FLII: variants seen among roughly 807,000 people sequenced by gnomAD.
FLII encodes FLII actin remodeling protein, also known as protein flightless-1 homolog.
FLII carries 101 observed loss-of-function variants against 156.2 expected under a neutral mutation model. The observed-to-expected ratio is 0.65, with a 90% confidence interval of 0.55 to 0.76. FLII has a LOEUF of 0.76. Ranked by LOEUF, FLII falls within the 30% of genes least tolerant of loss-of-function variation. The pLI is 0.00. For synonymous variants in FLII, 767 were observed against 685.8 expected (o/e 1.12, Z -1.85); for missense variants, 1,675 against 1,682.8 (o/e 1.00, Z 0.08).
chr17:18,248,572 G>A lies in FLII; in HGVS notation c.2168C>T (p.Pro723Leu), dbSNP rs148943845. ...CACCTTGTACAGCTTGGGCTGCGGC[G>A]GCCAGAAGTCTTCAGGCACGTGCTT... ...IKKHVPEDFW[P>L]PQPKLYKVGL... is the part of the protein sequence containing the mutation. Residue 723 changes from proline (P) to leucine (L), a missense_variant, in exon 18 of 30, where the codon CCG (proline) becomes CTG (leucine). Physicochemically the swap from Pro to Leu is moderately conservative, Grantham distance 98. This residue lies in a region of FLII where 1,332 missense variants were observed against 1,269.3 expected (regional missense o/e 1.05). Coordinates refer to ENST00000327031, the MANE Select transcript of FLII (RefSeq NM_002018.4). 335 of 1,611,308 alleles carry A rather than the reference G, an allele frequency of 2.1e-4. 1 individual carries two copies. Among genetic ancestry groups the A allele is most frequent in the African/African-American group, 1.6e-3 (119 of 74,862 alleles).
chr17:18,256,439 C>T, intron 3 of FLII, 87 bp downstream of exon 3: 1 of 1,085,758 alleles, frequency 9.2e-7, no homozygotes, highest in East Asian at 2.6e-5. Context: ...AAATGCTGGC[C>T]CAGCTTGGTG....
In FLII at chr17:18,247,020, G is replaced by C. The variant is rs966325688; in HGVS notation, c.2709C>G (p.Asp903Glu). ...GCACGAAACCCTCCATGCCGTCTAG[G>C]TCTTCGTTCCACTCCTCCATCAGCT... is the stretch of plus-strand genomic sequence containing the variant. ...AEQLMEEWNE[D>E]LDGMEGFVLE... The change falls in exon 22 of 30, where the codon GAC becomes GAG. Residue 903 changes from aspartate to glutamate, a missense_variant. Around this residue, in one of 2 missense-constraint regions of FLII, gnomAD observed 1,332 missense variants for 1,269.3 expected, o/e 1.05. Coordinates refer to ENST00000327031, the MANE Select transcript of FLII (RefSeq NM_002018.4). 1 of 1,613,710 alleles carries C rather than the reference G, an allele frequency of 6.2e-7. No individual in the cohort carries two copies. The highest frequency in any genetic ancestry group is 8.5e-7 in the Non-Finnish European group (1 of 1,180,034).
chr17:18,251,583 C>T (rs1027854516), intron 12 of FLII, 97 bp downstream of exon 12: 2 of 1,582,626 alleles, frequency 1.3e-6, no homozygotes, highest in East Asian at 2.2e-5. Flanking sequence ...TCTTTCTGCC[C>T]AGCACCCCCC....
At chr17:18,257,119 C>A (rs1263281480) in intron 1 of FLII, 100 bp from the exon 2 acceptor site, 14 of 677,460 alleles carry the variant, frequency 2.1e-5, no homozygotes, top group Non-Finnish European at 3.4e-5. Flanking sequence ...AGAACCAACT[C>A]TCACCATCTG....
At chr17:18,257,127 C>T (rs1019692552) in intron 1 of FLII, 108 bp from the exon 2 acceptor site, 1 of 643,908 alleles carries the variant, frequency 1.6e-6, no homozygotes. Context: ...CTCTCACCAT[C>T]TGTGAGAACA....
chr17:18,254,240 G>A, intron 6 of FLII, 58 bp from the exon 7 acceptor site: 2 of 1,362,434 alleles, frequency 1.5e-6, no homozygotes, highest in South Asian at 1.3e-5. Context: ...GTTAAGGGTG[G>A]GGCTTGGCAG....
intron 7 of FLII, 110 bp downstream of exon 7, chr17:18,253,968 CT>C: frequency 2.3e-6 from 2 of 854,074 alleles, no homozygotes; most frequent in Admixed American, 2.8e-5. Flanking sequence ...TAACTCCAGC[CT>C]TTTCCCTCTG....
chr17:18,250,189 G>A (rs1455575756), intron 14 of FLII, among the ~76,000 whole-genome samples: 1 of 152,142 alleles, frequency 6.6e-6, no homozygotes, highest in African/African-American at 2.4e-5. Context: ...TGAAAAATAT[G>A]GACACGTTCA....
At chr17:18,252,989 A>G (rs1456178664) in intron 9 of FLII, among the ~76,000 whole-genome samples, 1 of 152,168 alleles carries the variant, frequency 6.6e-6, no homozygotes, top group Non-Finnish European at 1.5e-5. Flanking sequence ...CATCTCTACT[A>G]AAAATACAAA....
rs377765496 is a variant in FLII at position 18,246,493 on chromosome 17, C to T, written c.3052-31G>A. On this transcript the variant is annotated intron_variant, in intron 23 of 29. Transcript: ENST00000327031. ...GATGTGGAAGTGTTAGGGGCAGCTC[C>T]CTGGACCCCCACCTGCCCCTCGGGA... 1.4e-4 allele frequency: 222 copies of T among 1,613,140 alleles called. No homozygotes were observed. In the African/African-American group the frequency reaches 2.8e-3, roughly 21 times the overall value.
rs201848564 is a variant in FLII, at chr17:18,249,418, T to C, written c.1777-10A>G. On this transcript the variant is annotated splice_polypyrimidine_tract_variant and intron_variant, in intron 14 of 29. Transcript: ENST00000327031. ...TGTCGTTGTCAAACACCTGTGTGTGTGAGGGTGTGGTTCTTCATCACTGAG... is the reference window on the plus strand; with the variant it reads ...TGTCGTTGTCAAACACCTGTGTGTGCGAGGGTGTGGTTCTTCATCACTGAG... 3 of 1,612,382 alleles carry C rather than the reference T, an allele frequency of 1.9e-6. No homozygotes were observed. The highest frequency in any genetic ancestry group is 2.2e-5 in the South Asian group (2 of 91,010).
rs2048030563 is a variant in FLII at position 18,245,921 on chromosome 17, C to G, written c.3396+13G>C. On this transcript the variant is annotated intron_variant, in intron 26 of 29. Coordinates refer to ENST00000327031, the MANE Select transcript of FLII (RefSeq NM_002018.4). The stretch of plus-strand genomic sequence containing the variant: ...TCCTCTGTGTGTGCCCGCCTGCCCG[C>G]CCGCCTCCTGACCTGCTTGCTGTAG... 6.2e-7 allele frequency: 1 copy of G among 1,613,822 alleles called. No homozygotes were observed. Among genetic ancestry groups the G allele is most frequent in the African/African-American group, 1.3e-5 (1 of 75,020 alleles).
At chr17:18,249,832 G>A (rs1344522528) in intron 14 of FLII, among the ~76,000 whole-genome samples, 1 of 150,916 alleles carries the variant, frequency 6.6e-6, no homozygotes, top group Non-Finnish European at 1.5e-5. Flanking sequence ...AAAAAAAACA[G>A]ATCTGGCTGG....
At chr17:18,247,869 G>C (rs201786801) in intron 19 of FLII, 21 bp from the exon 20 acceptor site, 1 of 1,614,010 alleles carries the variant, frequency 6.2e-7, no homozygotes, top group Non-Finnish European at 8.5e-7. Flanking sequence ...GGAGTCTGGA[G>C]GTCAAAGCCC....
Position 18,246,148 on chromosome 17 carries a change from A to G in FLII, c.3267+14T>C. ...CTTGGTCCACGGAGTCCTGGCTCAC[A>G]CCCACAACCCCACCTTGAGGATGAA... On this transcript the variant is annotated intron_variant, in intron 25 of 29. Transcript: ENST00000327031. 6.2e-7 allele frequency: 1 copy of G among 1,614,028 alleles called. No individual in the cohort carries two copies. Among genetic ancestry groups the G allele is most frequent in the South Asian group, 1.1e-5 (1 of 91,082 alleles).
chr17:18,246,992 C>A lies in FLII; in HGVS notation c.2737G>T (p.Glu913Ter), dbSNP rs757692564. Residue 913 changes from glutamate to a stop codon, truncating the protein, a stop_gained, in exon 22 of 30, where the codon GAG (glutamate) becomes TAG (stop). Coordinates refer to ENST00000327031, the MANE Select transcript of FLII (RefSeq NM_002018.4). LOFTEE classifies it high-confidence loss of function. The stretch of plus-strand genomic sequence containing the variant: ...GGCAGCCGCGCAAACTTCTTGCCCT[C>A]CAGCACGAAACCCTCCATGCCGTCT... ...DLDGMEGFVL[E>*]GKKFARLPEE... The A allele has an allele frequency of 3.7e-6, 6 of 1,614,146 alleles. No individual in the cohort carries two copies. The highest frequency in any genetic ancestry group is 1.7e-5 in the Admixed American group (1 of 60,032).
At position 18,258,566 on chromosome 17, in the gene FLII, A is replaced by T; in HGVS notation, c.63+62T>A. The T allele has an allele frequency of 6.6e-7, 1 of 1,523,986 alleles. No homozygotes were observed. The highest frequency in any genetic ancestry group is 8.7e-7 in the Non-Finnish European group (1 of 1,143,114). 94.4% of individuals were successfully genotyped at this position (1,523,986 alleles called of 1,614,324 possible). A position where few individuals can be genotyped will look rare whatever the true frequency, so the allele number is the denominator to read the frequency against. ...CCGAGCGGGACAGGAAGCGGAGGCC[A>T]AGCGGGCCGGGCGGAAGAGAAGGCC... is the stretch of plus-strand genomic sequence containing the variant. On this transcript the variant is annotated intron_variant, in intron 1 of 29. Transcript: ENST00000327031. The surrounding 1 kb of genome is among the most constrained non-coding windows in gnomAD (Gnocchi z 4.2).
chr17:18,247,596 G>A (rs1363027600), intron 20 of FLII, 61 bp downstream of exon 20: 10 of 1,426,500 alleles, frequency 7.0e-6, no homozygotes, highest in South Asian at 1.4e-5. Context: ...AAGCCACAGG[G>A]GTCAGGGCAT....
rs750231703 is a variant in FLII, at chr17:18,244,937, A to G, written c.*201T>C. 10 of 631,224 alleles carry G rather than the reference A, an allele frequency of 1.6e-5. No homozygotes were observed. The highest frequency in any genetic ancestry group is 2.5e-5 in the Non-Finnish European group (9 of 357,782). 39.1% of individuals were successfully genotyped at this position (631,224 alleles called of 1,614,324 possible). ...GAGGGGGCTTCACACGTGCACTCAC[A>G]CTGTGGAGAGAGTTGGATTTCCCAG... is the stretch of plus-strand genomic sequence containing the variant. On this transcript the variant is annotated 3_prime_UTR_variant, in exon 30 of 30. Transcript: ENST00000327031.
Sources: gnomAD v4.1 joint callset for allele counts (sites outside exome capture counted in the v4.1 genomes callset) on GRCh38, gnomAD v4.1.1 for gene constraint, gnomAD v4.1.1 regional missense constraint, Gnocchi (gnomAD v3.1) non-coding constraint, MANE v1.5 for transcripts, NCBI Gene and HGNC (gene_info 2026-07-23, HGNC 2026-07-21) for gene names.